Variants in TRABD2A observed in about 807,000 individuals in gnomAD.
TRABD2A encodes the protein metalloprotease TIKI1.
Under a neutral mutation model 45.6 loss-of-function variants are expected in TRABD2A, and 43 were observed. The ratio of observed to expected loss-of-function variants is 0.94; its 90% CI spans 0.74 to 1.22. The LOEUF (loss-of-function observed/expected upper bound fraction) is 1.22, where lower values mean the gene tolerates loss of function less well. Ranked by LOEUF, TRABD2A falls within the 50% of genes most tolerant of loss-of-function variation. The pLI is 0.00. For missense variants in TRABD2A, 642 were observed against 652.4 expected, an observed-to-expected ratio of 0.98 and a Z score of 0.17; for synonymous variants, 269 against 265.0, an observed-to-expected ratio of 1.02 and a Z score of -0.15.
intron 4 of TRABD2A, chr2:84,838,347 C>A: frequency 1.5e-6 from 1 of 670,542 alleles, no homozygotes; most frequent in South Asian, 1.7e-5. Context: ...AGGATTGTTG[C>A]AAGCCTTTAA....
chr2:84,832,483 T>C (rs1371843651), intron 4 of TRABD2A: 1 of 270,714 alleles, frequency 3.7e-6, no homozygotes, highest in Non-Finnish European at 7.2e-6. Context: ...TCCTGAAAGG[T>C]GAGGACACTG....
chr2:84,832,120 C>G lies in TRABD2A; in HGVS notation c.1017G>C (p.Val339=). The change falls in exon 5 of 7, where the codon GTG becomes GTC. Residue 339 remains valine, a synonymous_variant. Coordinates refer to ENST00000409520, the MANE Select transcript of TRABD2A (RefSeq NM_001277053.2). ...AGCCTTCACGCCGCAAAACATCCAG[C>G]ACTGTGTTGTTGCCCATGAAATGAC... is the stretch of plus-strand genomic sequence containing the variant. ...GAGHFMGNNT[V]LDVLRREGYE... is the part of the protein sequence containing the mutation. 6.2e-7 allele frequency: 1 copy of G among 1,614,044 alleles called. No individual in the cohort carries two copies. Among genetic ancestry groups the G allele is most frequent in the Non-Finnish European group, 8.5e-7 (1 of 1,179,908 alleles).
intron 1 of TRABD2A, among the ~76,000 whole-genome samples, chr2:84,871,163 G>T (rs142743406): frequency 1.5e-4 from 23 of 152,182 alleles, no homozygotes; most frequent in Non-Finnish European, 1.3e-4. Context: ...TCCAAGATGA[G>T]AAAGCAATAG....
chr2:84,826,332 C>T (rs1627220), intron 5 of TRABD2A, among the ~76,000 whole-genome samples: 18,047 of 152,168 alleles, frequency 0.12, 1,106 homozygotes, highest in Non-Finnish European at 0.13. Flanking sequence ...GCTTAAGAGC[C>T]AAGTTAATAG....
At chr2:84,823,476 C>T (rs1053254099) in intron 6 of TRABD2A, among the ~76,000 whole-genome samples, 1 of 152,196 alleles carries the variant, frequency 6.6e-6, no homozygotes, top group Admixed American at 6.5e-5. Context: ...GCCCTGCAGA[C>T]TCAGGCTCGC....
intron 1 of TRABD2A, among the ~76,000 whole-genome samples, chr2:84,879,366 A>G (rs1683130032): frequency 6.6e-6 from 1 of 151,698 alleles, no homozygotes. Flanking sequence ...TTTTTTGTAG[A>G]GACAAGGGTC....
chr2:84,860,224 G>A (rs770894987), intron 2 of TRABD2A, among the ~76,000 whole-genome samples: 3 of 152,064 alleles, frequency 2.0e-5, no homozygotes, highest in Non-Finnish European at 2.9e-5. Flanking sequence ...CTGTGTTATG[G>A]GCTGAACTGT....
intron 2 of TRABD2A, among the ~76,000 whole-genome samples, chr2:84,848,967 C>G (rs1182673435): frequency 2.0e-5 from 3 of 152,244 alleles, no homozygotes; most frequent in Middle Eastern, 3.4e-3. Flanking sequence ...GAAGGAAATG[C>G]AGCCCGAGCT....
chr2:84,843,373 T>G (rs1022977827), intron 2 of TRABD2A, among the ~76,000 whole-genome samples: 1 of 152,176 alleles, frequency 6.6e-6, no homozygotes, highest in Non-Finnish European at 1.5e-5. Flanking sequence ...CAAATGACCC[T>G]ACCCAGCCCC....
At chr2:84,879,995 A>ACCCCCCCCCCCC (rs532891016) in intron 1 of TRABD2A, among the ~76,000 whole-genome samples, 5 of 128,356 alleles carry the variant, frequency 3.9e-5, no homozygotes, top group East Asian at 2.6e-4. Flanking sequence ...CCCACCCCCA[A>ACCCCCCCCCCCC]CCCCCCCCAC....
intron 5 of TRABD2A, among the ~76,000 whole-genome samples, chr2:84,831,194 G>GA (rs11358870): frequency 1.9e-4 from 29 of 149,846 alleles, no homozygotes; most frequent in South Asian, 4.2e-4. Context: ...CTCGCTTACA[G>GA]AAAAAAAAAA....
At chr2:84,871,829 G>A (rs1356944974) in intron 1 of TRABD2A, among the ~76,000 whole-genome samples, 1 of 152,116 alleles carries the variant, frequency 6.6e-6, no homozygotes, top group East Asian at 1.9e-4. Flanking sequence ...CCAATGTACC[G>A]CCAAGGTTGA....
chr2:84,850,140 A>T (rs2105389519), intron 2 of TRABD2A, among the ~76,000 whole-genome samples: 1 of 152,290 alleles, frequency 6.6e-6, no homozygotes, highest in East Asian at 1.9e-4. Context: ...CAGGTAGCAA[A>T]TGCCTTCACC....
chr2:84,826,084 A>G (rs1392496405), intron 5 of TRABD2A, among the ~76,000 whole-genome samples: 2 of 152,146 alleles, frequency 1.3e-5, no homozygotes, highest in African/African-American at 4.8e-5. Context: ...CCCTCTGCCC[A>G]TGGCCGAAAC....
chr2:84,879,320 G>T (rs1430541628), intron 1 of TRABD2A, among the ~76,000 whole-genome samples: 4 of 151,908 alleles, frequency 2.6e-5, no homozygotes, highest in Non-Finnish European at 5.9e-5. Flanking sequence ...AGCTGGGACT[G>T]CAGGCACATG....
chr2:84,875,852 G>C (rs974781332), intron 1 of TRABD2A, among the ~76,000 whole-genome samples: 3 of 152,082 alleles, frequency 2.0e-5, no homozygotes, highest in Non-Finnish European at 4.4e-5. Flanking sequence ...AATTAGCCAG[G>C]CATGGTGGCA....
chr2:84,839,330 C>G lies in TRABD2A; in HGVS notation c.817-7G>C, dbSNP rs759420581. The G allele has an allele frequency of 2.5e-6, 4 of 1,584,442 alleles. No individual in the cohort carries two copies. Among genetic ancestry groups the G allele is most frequent in the Non-Finnish European group, 3.4e-6 (4 of 1,167,106 alleles). ...CATTAATAAAATTGGGAACCTCCAC[C>G]AAAATAAAGAGAAAAAAAAATAAGG... On this transcript the variant is annotated splice_region_variant and splice_polypyrimidine_tract_variant and intron_variant, in intron 3 of 6. Coordinates refer to ENST00000409520, the MANE Select transcript of TRABD2A (RefSeq NM_001277053.2).
intron 4 of TRABD2A, 74 bp downstream of exon 4, chr2:84,839,075 G>T: frequency 4.5e-6 from 7 of 1,549,412 alleles, no homozygotes; most frequent in Non-Finnish European, 6.2e-6. Flanking sequence ...CCTAAGCAGG[G>T]GCTCACCTCA....
rs1277395308 is a variant in TRABD2A, at chr2:84,830,306, G to A, written c.1082+1749C>T. On this transcript the variant is annotated intron_variant, in intron 5 of 6. Coordinates refer to ENST00000409520, the MANE Select transcript of TRABD2A (RefSeq NM_001277053.2). The surrounding 1 kb of genome is among the most constrained non-coding windows in gnomAD (Gnocchi z 4.9). ...CTCCCGGTCAAGGGGAGGAGAGGAG[G>A]GCTCCTCAGAAGGGGGAAGTAGCGT... 6.6e-6 allele frequency among the ~76,000 whole-genome samples: 1 copy of A among 152,126 alleles called. No homozygotes were observed. Among genetic ancestry groups the A allele is most frequent in the Non-Finnish European group, 1.5e-5 (1 of 68,028 alleles).
Sources: gnomAD v4.1 joint callset for allele counts (sites outside exome capture counted in the v4.1 genomes callset) on GRCh38, gnomAD v4.1.1 for gene constraint, Gnocchi (gnomAD v3.1) non-coding constraint, MANE v1.5 for transcripts, NCBI Gene and HGNC (gene_info 2026-07-23, HGNC 2026-07-21) for gene names.